The following PADI1 variants were observed in gnomAD, a reference collection of about 807,000 sequenced individuals.
The protein encoded by PADI1 is protein-arginine deiminase type-1.
PADI1 carries 65 observed loss-of-function variants against 74.8 expected under a neutral mutation model. That is an observed-to-expected ratio of 0.87 (90% confidence interval 0.71 to 1.07). The LOEUF (loss-of-function observed/expected upper bound fraction) is 1.07, where lower values mean the gene tolerates loss of function less well. Among genes scored for constraint, PADI1 ranks in the 50% least tolerant of loss-of-function variants. PADI1 has a pLI of 0.00. For synonymous variants in PADI1, 371 were observed against 336.2 expected, an observed-to-expected ratio of 1.10 and a Z score of -1.13; for missense variants, 943 against 854.0, an observed-to-expected ratio of 1.10 and a Z score of -1.30.
chr1:17,227,235 CAAA>C (rs59052605), intron 6 of PADI1, among the ~76,000 whole-genome samples: 5 of 76,336 alleles, frequency 6.5e-5, no homozygotes, highest in Admixed American at 1.5e-4. Context: ...GACTTCATCT[CAAA>C]AAAAAAAAAA....
At chr1:17,233,511 T>G (rs1360210370) in intron 11 of PADI1, among the ~76,000 whole-genome samples, 1 of 152,222 alleles carries the variant, frequency 6.6e-6, no homozygotes, top group Non-Finnish European at 1.5e-5. Flanking sequence ...ACAGATGTGA[T>G]GGAGCAGGAA....
intron 13 of PADI1, among the ~76,000 whole-genome samples, chr1:17,239,283 G>T (rs1443984997): frequency 6.6e-6 from 1 of 152,204 alleles, no homozygotes; most frequent in East Asian, 1.9e-4. Flanking sequence ...TTCAAATCCT[G>T]ATCTTGGCAT....
chr1:17,209,913 T>C (rs1231404767), intron 1 of PADI1, among the ~76,000 whole-genome samples: 2 of 152,096 alleles, frequency 1.3e-5, no homozygotes, highest in Non-Finnish European at 2.9e-5. Context: ...TGCAGTGACA[T>C]GATCTCGGCT....
intron 6 of PADI1, among the ~76,000 whole-genome samples, chr1:17,228,273 T>A (rs760580810): frequency 1.3e-5 from 2 of 152,222 alleles, no homozygotes; most frequent in Non-Finnish European, 2.9e-5. Context: ...CCACCATACC[T>A]GTCTGGTCAT....
At position 17,245,576 on chromosome 1, in the gene PADI1, C is replaced by T. The variant is rs1476496207; in HGVS notation, c.*1333C>T. On this transcript the variant is annotated 3_prime_UTR_variant, in exon 16 of 16. Coordinates refer to ENST00000375471, the MANE Select transcript of PADI1 (RefSeq NM_013358.3). The surrounding 1 kb of genome is among the most constrained non-coding windows in gnomAD (Gnocchi z 4.1). ...CAGTGGCCCCTGCTGAGACCTCACA[C>T]TGAGCCAACTACTGTCACTGTTTTA... is the stretch of plus-strand genomic sequence containing the variant. The T allele has an allele frequency of 1.3e-5, 2 of 152,210 alleles. No individual in the cohort carries two copies. Among genetic ancestry groups the T allele is most frequent in the Non-Finnish European group, 2.9e-5 (2 of 68,050 alleles). The allele number at this position is 152,210 out of a possible 1,614,324, so 9.4% of individuals were successfully genotyped here.
chr1:17,205,951 G>A (rs1295213951), intron 1 of PADI1, among the ~76,000 whole-genome samples: 1 of 152,168 alleles, frequency 6.6e-6, no homozygotes, highest in Non-Finnish European at 1.5e-5. Flanking sequence ...TGACATCTGA[G>A]GGGGCATCAG....
At chr1:17,243,197 C>G (rs1278539310) in intron 15 of PADI1, among the ~76,000 whole-genome samples, 1 of 152,234 alleles carries the variant, frequency 6.6e-6, no homozygotes, top group Admixed American at 6.5e-5. Flanking sequence ...GAGATTTCCT[C>G]TAAGAAACCC....
At chr1:17,242,513 G>A (rs1245717552) in intron 15 of PADI1, among the ~76,000 whole-genome samples, 1 of 152,200 alleles carries the variant, frequency 6.6e-6, no homozygotes, top group Non-Finnish European at 1.5e-5. Context: ...AGGTGGCGGG[G>A]AGGGCCTAGG....
chr1:17,224,312 G>T, intron 3 of PADI1, 55 bp from the exon 4 acceptor site: 5 of 1,492,690 alleles, frequency 3.3e-6, no homozygotes, highest in Non-Finnish European at 4.7e-6. Flanking sequence ...GGACTTTAGG[G>T]GTGTGAAGAT....
At position 17,229,049 on chromosome 1, in the gene PADI1, C is replaced by CAGGTG; in HGVS notation, c.929+2_929+6dup. 6.4e-7 allele frequency: 1 copy of CAGGTG among 1,551,156 alleles called. No individual in the cohort carries two copies. On this transcript the variant is annotated frameshift_variant and splice_region_variant, in exon 8 of 16. Coordinates refer to ENST00000375471, the MANE Select transcript of PADI1 (RefSeq NM_013358.3). LOFTEE classifies it high-confidence loss of function. ...AGCCTCCTGAGGAGCTGTATGTGTG[C>CAGGTG]AGGTGAGGCTCCCTCCCTCCAGCCC...
At chr1:17,242,862 C>T (rs2072804887) in intron 15 of PADI1, among the ~76,000 whole-genome samples, 1 of 152,210 alleles carries the variant, frequency 6.6e-6, no homozygotes, top group Non-Finnish European at 1.5e-5. Flanking sequence ...CTTTTCTCCT[C>T]TTTCTGCCCT....
chr1:17,238,512 G>GCC, intron 12 of PADI1, 104 bp from the exon 13 acceptor site: 1 of 472,970 alleles, frequency 2.1e-6, no homozygotes, highest in South Asian at 6.1e-5. Context: ...AGTGGGAGAG[G>GCC]GGAGTCCCAA....
intron 6 of PADI1, among the ~76,000 whole-genome samples, chr1:17,226,893 A>T (rs2072330526): frequency 6.6e-6 from 1 of 152,158 alleles, no homozygotes; most frequent in African/African-American, 2.4e-5. Flanking sequence ...ACTAAAAAAT[A>T]CAAAAAAATT....
intron 1 of PADI1, among the ~76,000 whole-genome samples, chr1:17,210,510 G>A (rs990286523): frequency 6.6e-6 from 1 of 152,074 alleles, no homozygotes; most frequent in African/African-American, 2.4e-5. Context: ...CTCTTCTCCA[G>A]CCTCCATTCC....
In PADI1 at chr1:17,225,846, T is replaced by A. The variant is rs1393382715; in HGVS notation, c.444T>A (p.Ala148=). The A allele has an allele frequency of 1.9e-6, 3 of 1,614,048 alleles. No individual in the cohort carries two copies. In the African/African-American group the frequency reaches 4.0e-5, roughly 22 times the overall value. ...TWRWGPEGYG[A]ILLVNCDRDN... is the part of the protein sequence containing the mutation. ...GCTGGGGCCCTGAGGGCTATGGGGC[T>A]ATCTTGCTGGTGAACTGTGACCGGG... The change falls in exon 5 of 16, where the codon GCT becomes GCA. Residue 148 remains alanine, a synonymous_variant. Transcript: ENST00000375471.
chr1:17,237,265 G>C, intron 11 of PADI1, 49 bp from the exon 12 acceptor site: 4 of 1,550,760 alleles, frequency 2.6e-6, no homozygotes, highest in South Asian at 2.4e-5. Flanking sequence ...GGCAAGGCCT[G>C]ATGCCTCTCA....
intron 4 of PADI1, among the ~76,000 whole-genome samples, chr1:17,225,521 C>G (rs946779561): frequency 1.3e-5 from 2 of 152,018 alleles, no homozygotes; most frequent in African/African-American, 2.4e-5. Flanking sequence ...GCTTAGCCAG[C>G]TTTTGAGGGC....
rs1320768677 is a variant in PADI1, at chr1:17,244,626, G to A, written c.*383G>A. The A allele has an allele frequency of 1.4e-5, 5 of 368,654 alleles. No homozygotes were observed. Among genetic ancestry groups the A allele is most frequent in the Non-Finnish European group, 2.7e-5 (5 of 185,546 alleles). 22.8% of individuals were successfully genotyped at this position (368,654 alleles called of 1,614,324 possible). A position where few individuals can be genotyped will look rare whatever the true frequency, so the allele number is the denominator to read the frequency against. On this transcript the variant is annotated 3_prime_UTR_variant, in exon 16 of 16. Coordinates refer to ENST00000375471, the MANE Select transcript of PADI1 (RefSeq NM_013358.3). ...GGATAATGACTTTGCATCTGCACCTGGAACGGGGCCTGGGGGACCTGGGGT... is the reference window on the plus strand; with the variant it reads ...GGATAATGACTTTGCATCTGCACCTAGAACGGGGCCTGGGGGACCTGGGGT...
intron 1 of PADI1, 38 bp downstream of exon 1, chr1:17,205,347 T>C (rs1416900522): frequency 6.6e-7 from 1 of 1,523,966 alleles, no homozygotes; most frequent in Non-Finnish European, 9.1e-7. Context: ...TGCAGAGAGC[T>C]GGGTTAGAGT....
Sources: allele counts gnomAD v4.1 joint callset (sites outside exome capture counted in the v4.1 genomes callset), GRCh38; gene constraint gnomAD v4.1.1; non-coding constraint Gnocchi (gnomAD v3.1); transcripts MANE v1.5; gene names NCBI Gene and HGNC (gene_info 2026-07-23, HGNC 2026-07-21).